Variants in CEP57L1 observed in about 807,000 individuals in gnomAD.
The protein encoded by CEP57L1 is centrosomal protein 57 like 1.
In CEP57L1, 37 loss-of-function variants were observed where a neutral mutation model predicts 61.0. The observed-to-expected ratio is 0.61, with a 90% CI of 0.47 to 0.80. CEP57L1 has a LOEUF of 0.80. CEP57L1 is among the 30% of genes least tolerant of loss of function. The pLI is 0.00. For missense variants in CEP57L1, 422 were observed against 524.7 expected, an observed-to-expected ratio of 0.80 and a Z score of 1.91; for synonymous variants, 137 against 162.3, an observed-to-expected ratio of 0.84 and a Z score of 1.19.
At position 109,158,214 on chromosome 6, in the gene CEP57L1, G is replaced by A. The variant is rs142312654; in HGVS notation, c.745-811G>A. Reference sequence around the variant, plus strand: ...TGTTAAAGGATATCTGGAGCCGGGCGCGGTGGCTCACACCTGTAATCCCAA... The same window carrying A: ...TGTTAAAGGATATCTGGAGCCGGGCACGGTGGCTCACACCTGTAATCCCAA... On this transcript the variant is annotated intron_variant, in intron 7 of 10. Transcript: ENST00000517392. The A allele has an allele frequency of 2.4e-3, 373 of 156,550 alleles. 2 individuals carry two copies. The highest frequency in any genetic ancestry group is 8.4e-3 in the African/African-American group (347 of 41,552). The allele number at this position is 156,550 out of a possible 1,614,324, so 9.7% of individuals were successfully genotyped here. A position where few individuals can be genotyped will look rare whatever the true frequency, so the allele number is the denominator to read the frequency against.
At chr6:109,102,318 C>T (rs1770406547) in intron 1 of CEP57L1, among the ~76,000 whole-genome samples, 2 of 152,118 alleles carry the variant, frequency 1.3e-5, no homozygotes, top group Non-Finnish European at 2.9e-5. Flanking sequence ...CCTCAGCCTC[C>T]GAAGTAGCTA....
intron 1 of CEP57L1, among the ~76,000 whole-genome samples, chr6:109,099,114 A>G (rs925550737): frequency 1.3e-5 from 2 of 152,216 alleles, no homozygotes; most frequent in Non-Finnish European, 2.9e-5. Flanking sequence ...CCTCTAAGAA[A>G]TTCACATTGA....
intron 10 of CEP57L1, among the ~76,000 whole-genome samples, chr6:109,162,346 C>T (rs1431690847): frequency 6.6e-6 from 1 of 152,076 alleles, no homozygotes; most frequent in African/African-American, 2.4e-5. Flanking sequence ...CCTCTCTGTT[C>T]TCTAGTTTTT....
chr6:109,150,708 A>C (rs1048426999), intron 4 of CEP57L1, among the ~76,000 whole-genome samples: 22 of 151,984 alleles, frequency 1.4e-4, no homozygotes, highest in Admixed American at 1.0e-3. Flanking sequence ...AGAAAAAAAA[A>C]ATTACACTCA....
chr6:109,111,007 G>A (rs1424166101), intron 1 of CEP57L1, among the ~76,000 whole-genome samples: 6 of 152,082 alleles, frequency 3.9e-5, no homozygotes, highest in African/African-American at 1.2e-4. Context: ...TTGGCTATGC[G>A]GGCTCTTTTT....
intron 1 of CEP57L1, among the ~76,000 whole-genome samples, chr6:109,131,692 T>C (rs189102563): frequency 4.3e-4 from 64 of 149,250 alleles, no homozygotes; most frequent in African/African-American, 1.6e-3. Context: ...TTAAAAAAAA[T>C]TTTTTTAAGT....
At position 109,110,078 on chromosome 6, in the gene CEP57L1, T is replaced by C. The variant is rs1771413774; in HGVS notation, c.-4+14503T>C. On this transcript the variant is annotated intron_variant, in intron 1 of 10. Coordinates refer to ENST00000517392, the MANE Select transcript of CEP57L1 (RefSeq NM_001271852.3). ...CCAGTAATGGGATCACTGGGTCAAATGGTATTTCTAGTTCTAGATCCTTGA... is the reference window on the plus strand; with the variant it reads ...CCAGTAATGGGATCACTGGGTCAAACGGTATTTCTAGTTCTAGATCCTTGA... 2.0e-5 allele frequency among the ~76,000 whole-genome samples: 3 copies of C among 152,210 alleles called. No individual in the cohort carries two copies. The South Asian group carries it at 6.2e-4, about 31-fold the overall frequency.
chr6:109,120,938 A>G (rs926596807), intron 1 of CEP57L1, among the ~76,000 whole-genome samples: 1 of 148,286 alleles, frequency 6.7e-6, no homozygotes, highest in Non-Finnish European at 1.5e-5. Context: ...ACACACACAC[A>G]CACACACACA....
chr6:109,162,224 C>G (rs1482694660), intron 10 of CEP57L1, among the ~76,000 whole-genome samples: 1 of 152,022 alleles, frequency 6.6e-6, no homozygotes, highest in African/African-American at 2.4e-5. Context: ...CATATATATA[C>G]ATATACACAT....
chr6:109,115,121 T>C (rs1434943451), intron 1 of CEP57L1, among the ~76,000 whole-genome samples: 2 of 152,214 alleles, frequency 1.3e-5, no homozygotes, highest in African/African-American at 4.8e-5. Flanking sequence ...GTAAAAGTTA[T>C]ACATTAACAA....
At chr6:109,111,909 T>C (rs1771679195) in intron 1 of CEP57L1, among the ~76,000 whole-genome samples, 1 of 152,254 alleles carries the variant, frequency 6.6e-6, no homozygotes, top group Admixed American at 6.5e-5. Flanking sequence ...TTTCATGTGC[T>C]GCTGGATTCA....
Position 109,169,411 on chromosome 6 carries a change from G to C in CEP57L1, c.*6441G>C, listed in dbSNP as rs764745547. 2.6e-5 allele frequency among the ~76,000 whole-genome samples: 4 copies of C among 152,050 alleles called. No individual in the cohort carries two copies. The highest frequency in any genetic ancestry group is 1.3e-4 in the Admixed American group (2 of 15,242). On this transcript the variant is annotated 3_prime_UTR_variant, in exon 11 of 11. Transcript: ENST00000517392. ...AATTTGAAGGGTGTGGAGAAAAGTG[G>C]AATAGCCAATTTAAAATAGGAATAC...
chr6:109,125,509 CAT>C (rs1319328927), intron 1 of CEP57L1, among the ~76,000 whole-genome samples: 14 of 138,218 alleles, frequency 1.0e-4, no homozygotes, highest in Non-Finnish European at 1.2e-4. Flanking sequence ...TATATATATA[CAT>C]ATATATATAT....
At position 109,173,883 on chromosome 6, in the gene CEP57L1, GAGGT is replaced by G. The variant is rs1315822647; in HGVS notation, c.*10914_*10917del. 6.6e-6 allele frequency among the ~76,000 whole-genome samples: 1 copy of G among 151,522 alleles called. No individual in the cohort carries two copies. Among genetic ancestry groups the G allele is most frequent in the Non-Finnish European group, 1.5e-5 (1 of 67,930 alleles). On this transcript the variant is annotated 3_prime_UTR_variant, in exon 11 of 11. Transcript: ENST00000517392. ...GGAGGCAAAGGAAGGTGGATCACTT[GAGGT>G]CAGGAGTTTGAGACCAGCCTCCAAC...
intron 1 of CEP57L1, among the ~76,000 whole-genome samples, chr6:109,116,119 T>TA (rs1772247561): frequency 7.0e-6 from 1 of 143,318 alleles, no homozygotes; most frequent in Non-Finnish European, 1.5e-5. Context: ...TATTTTATGT[T>TA]ATGTGTTGTG....
At position 109,170,065 on chromosome 6, in the gene CEP57L1, T is replaced by TAACC. The variant is rs1774330071; in HGVS notation, c.*7097_*7100dup. 6.6e-6 allele frequency among the ~76,000 whole-genome samples: 1 copy of TAACC among 152,174 alleles called. No homozygotes were observed. Among genetic ancestry groups the TAACC allele is most frequent in the Non-Finnish European group, 1.5e-5 (1 of 68,028 alleles). ...AATATCCTATTTAATAGATTTCTTATAACCATATCAGCAAAGCCACTCTGC... is the reference window on the plus strand; with the variant it reads ...AATATCCTATTTAATAGATTTCTTATAACCAACCATATCAGCAAAGCCACTCTGC... On this transcript the variant is annotated 3_prime_UTR_variant, in exon 11 of 11. Coordinates refer to ENST00000517392, the MANE Select transcript of CEP57L1 (RefSeq NM_001271852.3).
chr6:109,159,629 G>A (rs909028117), intron 9 of CEP57L1, among the ~76,000 whole-genome samples, 167 bp downstream of exon 9: 5 of 151,860 alleles, frequency 3.3e-5, no homozygotes, highest in Non-Finnish European at 7.4e-5. Context: ...TTCTTTATCA[G>A]GAGAAGTACC....
chr6:109,129,054 G>A (rs536021538), intron 1 of CEP57L1, among the ~76,000 whole-genome samples: 4 of 152,176 alleles, frequency 2.6e-5, no homozygotes, highest in African/African-American at 9.6e-5. Flanking sequence ...CAAAAAATTA[G>A]CCAGGCATGG....
chr6:109,143,633 A>C (rs1771656977), intron 1 of CEP57L1, among the ~76,000 whole-genome samples: 1 of 152,090 alleles, frequency 6.6e-6, no homozygotes, highest in African/African-American at 2.4e-5. Flanking sequence ...CAATCTTCTA[A>C]CTAGTCATTA....
Sources: gnomAD v4.1 joint callset for allele counts (sites outside exome capture counted in the v4.1 genomes callset) on GRCh38, gnomAD v4.1.1 for gene constraint, MANE v1.5 for transcripts, NCBI Gene and HGNC (gene_info 2026-07-23, HGNC 2026-07-21) for gene names.